The following NME7 variants were observed in gnomAD, a reference collection of about 807,000 sequenced individuals.
The protein encoded by NME7 is NME/NM23 family member 7, also known as nucleoside diphosphate kinase 7.
In NME7, 41 loss-of-function variants were observed where a neutral mutation model predicts 49.1. The ratio of observed to expected loss-of-function variants is 0.83; its 90% confidence interval spans 0.65 to 1.08. The LOEUF (loss-of-function observed/expected upper bound fraction) is 1.08. NME7 is among the 50% of genes least tolerant of loss of function. The probability of loss-of-function intolerance (pLI) is 0.00; values close to 1 mark genes in which losing one functional copy is unlikely to be tolerated. For synonymous variants in NME7, 139 were observed against 150.6 expected, an observed-to-expected ratio of 0.92 and a Z score of 0.56; for missense variants, 423 against 463.4, an observed-to-expected ratio of 0.91 and a Z score of 0.80.
intron 7 of NME7, among the ~76,000 whole-genome samples, chr1:169,254,499 C>G (rs889883958): frequency 6.6e-6 from 1 of 151,448 alleles, no homozygotes; most frequent in Non-Finnish European, 1.5e-5. Context: ...TTTTGTTGAT[C>G]CTTTCAAAAA....
chr1:169,211,515 A>G (rs1423038922), intron 10 of NME7, among the ~76,000 whole-genome samples: 1 of 152,190 alleles, frequency 6.6e-6, no homozygotes, highest in Non-Finnish European at 1.5e-5. Flanking sequence ...AATATTATGC[A>G]ATCTCTACTT....
intron 7 of NME7, 66 bp downstream of exon 7, chr1:169,287,237 A>T: frequency 8.0e-7 from 1 of 1,244,380 alleles, no homozygotes. Context: ...TACATAAAGT[A>T]CATCAAGAAA....
chr1:169,335,900 A>C (rs1652447234), intron 1 of NME7, among the ~76,000 whole-genome samples: 2 of 151,678 alleles, frequency 1.3e-5, no homozygotes, highest in Admixed American at 1.3e-4. Flanking sequence ...TAAACAAGGA[A>C]ATTTTCACTT....
chr1:169,244,943 A>G (rs1370298098), intron 7 of NME7, among the ~76,000 whole-genome samples: 2 of 152,124 alleles, frequency 1.3e-5, no homozygotes, highest in Admixed American at 1.3e-4. Flanking sequence ...AGCCTGGCCA[A>G]CATGGAGAAA....
chr1:169,338,566 C>T (rs1427861646), intron 1 of NME7, among the ~76,000 whole-genome samples: 1 of 152,092 alleles, frequency 6.6e-6, no homozygotes, highest in East Asian at 1.9e-4. Flanking sequence ...CACCTTGGGC[C>T]CCATAATCTT....
At chr1:169,344,657 T>TG (rs1481777324) in intron 1 of NME7, among the ~76,000 whole-genome samples, 1 of 152,082 alleles carries the variant, frequency 6.6e-6, no homozygotes, top group Non-Finnish European at 1.5e-5. Context: ...TTTCACTATT[T>TG]TTTGTGTTAT....
intron 11 of NME7, among the ~76,000 whole-genome samples, chr1:169,133,089 T>TTGTTA (rs1557955462): frequency 6.7e-6 from 1 of 150,172 alleles, no homozygotes; most frequent in East Asian, 1.9e-4. Context: ...ACATATGTGT[T>TTGTTA]AAAAAAAAAA....
At chr1:169,201,183 A>G (rs1244463496) in intron 10 of NME7, among the ~76,000 whole-genome samples, 1 of 152,128 alleles carries the variant, frequency 6.6e-6, no homozygotes, top group African/African-American at 2.4e-5. Flanking sequence ...GCAAGCTATG[A>G]TAATATCACT....
chr1:169,153,453 T>C (rs1333487526), intron 11 of NME7, among the ~76,000 whole-genome samples: 1 of 152,130 alleles, frequency 6.6e-6, no homozygotes, highest in Non-Finnish European at 1.5e-5. Context: ...TGCCATGTTC[T>C]TTTTCTGTGT....
At chr1:169,283,367 A>G (rs1650118711) in intron 7 of NME7, among the ~76,000 whole-genome samples, 1 of 152,118 alleles carries the variant, frequency 6.6e-6, no homozygotes, top group Non-Finnish European at 1.5e-5. Context: ...TCTCCTGAAT[A>G]CAGCACACTG....
intron 1 of NME7, among the ~76,000 whole-genome samples, chr1:169,343,406 A>G (rs1229410858): frequency 6.6e-6 from 1 of 151,928 alleles, no homozygotes; most frequent in East Asian, 1.9e-4. Context: ...TCAAAAATCA[A>G]TTTACCATGA....
chr1:169,174,454 T>G (rs1226524842), intron 10 of NME7, among the ~76,000 whole-genome samples: 1 of 152,164 alleles, frequency 6.6e-6, no homozygotes, highest in Non-Finnish European at 1.5e-5. Context: ...ATTTACTAAT[T>G]ACAGAAAAAG....
chr1:169,248,210 T>C (rs1648405084), intron 7 of NME7, among the ~76,000 whole-genome samples: 1 of 152,208 alleles, frequency 6.6e-6, no homozygotes, highest in African/African-American at 2.4e-5. Flanking sequence ...ATTGTATTTT[T>C]AATTTGCATA....
intron 7 of NME7, chr1:169,285,989 A>G (rs910936793): frequency 2.6e-5 from 4 of 152,224 alleles, no homozygotes; most frequent in Non-Finnish European, 5.9e-5. Context: ...TAATTTTAAT[A>G]TCAAAACACT....
chr1:169,346,290 A>G (rs1652948792), intron 1 of NME7, among the ~76,000 whole-genome samples: 1 of 152,136 alleles, frequency 6.6e-6, no homozygotes, highest in Non-Finnish European at 1.5e-5. Context: ...TAGCCCACAA[A>G]GCCCTCCAAG....
intron 10 of NME7, among the ~76,000 whole-genome samples, chr1:169,186,966 G>C (rs1010904875): frequency 6.6e-6 from 1 of 152,016 alleles, no homozygotes; most frequent in Non-Finnish European, 1.5e-5. Flanking sequence ...GTTCTCATTG[G>C]TTTCAAAGAA....
Position 169,153,300 on chromosome 1 carries a change from A to G in NME7, c.1098+16147T>C, listed in dbSNP as rs16861948. ...AGTTATTATTTTTATCACTGTTACC[A>G]TAATGTTCATTATTGCCATCAGAAA... On this transcript the variant is annotated intron_variant, in intron 11 of 11. Coordinates refer to ENST00000367811, the MANE Select transcript of NME7 (RefSeq NM_013330.5). Among the ~76,000 whole-genome samples the G allele has an allele frequency of 4.8e-3, 730 of 152,296 alleles. 7 individuals carry two copies. Among genetic ancestry groups the G allele is most frequent in the African/African-American group, 0.017 (687 of 41,558 alleles).
chr1:169,141,306 C>T (rs949516456), intron 11 of NME7, among the ~76,000 whole-genome samples: 3 of 152,092 alleles, frequency 2.0e-5, no homozygotes, highest in African/African-American at 7.2e-5. Context: ...CTTGGAGGCA[C>T]TTAACATGGA....
chr1:169,235,071 A>C, intron 9 of NME7, 60 bp downstream of exon 9: 1 of 929,988 alleles, frequency 1.1e-6, no homozygotes, highest in South Asian at 1.7e-5. Flanking sequence ...AGTCCAAAAC[A>C]CTGCATCCTA....
Sources: allele counts gnomAD v4.1 joint callset (sites outside exome capture counted in the v4.1 genomes callset), GRCh38; gene constraint gnomAD v4.1.1; transcripts MANE v1.5; gene names NCBI Gene and HGNC (gene_info 2026-07-23, HGNC 2026-07-21).